The following KCNU1 variants were observed in gnomAD, a reference collection of about 807,000 sequenced individuals.
KCNU1 encodes potassium channel subfamily U member 1.
KCNU1 carries 93 observed loss-of-function variants against 126.8 expected under a neutral mutation model. The observed-to-expected ratio is 0.73, with a 90% CI of 0.62 to 0.87. KCNU1 has a LOEUF of 0.87. KCNU1 is among the 40% of genes least tolerant of loss of function. The probability of loss-of-function intolerance (pLI) is 0.00; values close to 1 mark genes in which losing one functional copy is unlikely to be tolerated. For synonymous variants in KCNU1, 523 were observed against 494.2 expected (o/e 1.06, Z -0.77); for missense variants, 1,330 against 1,367.1 (o/e 0.97, Z 0.43).
intron 19 of KCNU1, among the ~76,000 whole-genome samples, chr8:36,867,408 G>T (rs1008180143): frequency 7.9e-5 from 12 of 152,114 alleles, no homozygotes; most frequent in Non-Finnish European, 1.3e-4. Context: ...GAGTGCCGTG[G>T]GAAAGTCTCA....
At chr8:36,808,967 A>G (rs1430909671) in intron 7 of KCNU1, among the ~76,000 whole-genome samples, 174 bp downstream of exon 7, 1 of 152,120 alleles carries the variant, frequency 6.6e-6, no homozygotes, top group Non-Finnish European at 1.5e-5. Flanking sequence ...ACAAATATGC[A>G]TCTCCTACAA....
chr8:36,898,596 G>T (rs1448493482), intron 19 of KCNU1, among the ~76,000 whole-genome samples: 1 of 152,012 alleles, frequency 6.6e-6, no homozygotes. Context: ...AAATAGTCTT[G>T]TGTCTGAAAT....
intron 18 of KCNU1, among the ~76,000 whole-genome samples, chr8:36,852,705 A>G (rs563046562): frequency 2.0e-5 from 3 of 152,210 alleles, no homozygotes; most frequent in African/African-American, 7.2e-5. Context: ...ACTTATGTGT[A>G]CATATGATAT....
chr8:36,809,959 G>A (rs1803649422), intron 7 of KCNU1, among the ~76,000 whole-genome samples: 2 of 152,020 alleles, frequency 1.3e-5, no homozygotes, highest in African/African-American at 4.8e-5. Flanking sequence ...TGAATTCTTT[G>A]GGAAAATATA....
rs543624500 is a variant in KCNU1 at position 36,806,145 on chromosome 8, T to A, written c.469-124T>A. On this transcript the variant is annotated intron_variant, in intron 4 of 26. Transcript: ENST00000399881. The stretch of plus-strand genomic sequence containing the variant: ...ATATAAATATATGTGTCTGTGTATA[T>A]GTAAAATAGAAGGAGATCAAGGCTT... 32 of 603,038 alleles carry A rather than the reference T, an allele frequency of 5.3e-5. No individual in the cohort carries two copies. The Admixed American group carries it at 9.0e-4, about 17-fold the overall frequency. 37.4% of individuals were successfully genotyped at this position (603,038 alleles called of 1,614,324 possible). A position where few individuals can be genotyped will look rare whatever the true frequency, so the allele number is the denominator to read the frequency against.
chr8:36,851,080 G>A (rs931919333), intron 18 of KCNU1, among the ~76,000 whole-genome samples: 10 of 152,112 alleles, frequency 6.6e-5, no homozygotes, highest in African/African-American at 2.4e-4. Flanking sequence ...GCATTTCCAT[G>A]TGGGTCAGGA....
intron 19 of KCNU1, among the ~76,000 whole-genome samples, chr8:36,865,063 G>A (rs1174940629): frequency 7.2e-5 from 11 of 152,060 alleles, no homozygotes; most frequent in East Asian, 3.9e-4. Flanking sequence ...AAACTTTAAT[G>A]AAAATGACTC....
intron 19 of KCNU1, among the ~76,000 whole-genome samples, chr8:36,887,420 T>A (rs999056527): frequency 4.6e-5 from 7 of 152,030 alleles, no homozygotes; most frequent in African/African-American, 1.7e-4. Context: ...TGAGCATTTT[T>A]TCACATGTTT....
Position 36,805,247 on chromosome 8 carries a change from G to T in KCNU1, c.430G>T (p.Val144Phe). ...YEDKTIPIDL[V>F]FNAFFSFYFG... Reference sequence around the variant, plus strand: ...AGACAAAACCATTCCTATTGATTTGGTTTTCAATGCTTTCTTTAGTTTCTA... The same window carrying T: ...AGACAAAACCATTCCTATTGATTTGTTTTTCAATGCTTTCTTTAGTTTCTA... Residue 144 changes from valine to phenylalanine, a missense_variant, in exon 4 of 27, where the codon GTT becomes TTT. This residue lies in a region of KCNU1 where 247 missense variants were observed against 255.4 expected (regional missense o/e 0.97). Transcript: ENST00000399881. The T allele has an allele frequency of 3.7e-6, 6 of 1,609,122 alleles. No individual in the cohort carries two copies. The highest frequency in any genetic ancestry group is 1.7e-5 in the Admixed American group (1 of 59,562).
rs767708406 is a variant in KCNU1, at chr8:36,910,940, T to A, written c.2342T>A (p.Leu781His). 3.1e-6 allele frequency: 5 copies of A among 1,609,656 alleles called. No individual in the cohort carries two copies. Among genetic ancestry groups the A allele is most frequent in the Middle Eastern group, 1.6e-4 (1 of 6,068 alleles). ...TTTTCCTCTCATTAGGGATGTGCAC[T>A]TTATTCTGGAGACCTCCATGCGGCC... ...PQIYILPGCA[L>H]YSGDLHAANI... Residue 781 changes from leucine (L) to histidine (H), a missense_variant, in exon 22 of 27, where the codon CTT (leucine) becomes CAT (histidine). By Grantham distance (99) the Leu-to-His change is moderately conservative. Transcript: ENST00000399881.
At chr8:36,911,182 C>A (rs1248001341) in intron 22 of KCNU1, 63 bp downstream of exon 22, 2 of 1,309,248 alleles carry the variant, frequency 1.5e-6, no homozygotes, top group Non-Finnish European at 1.1e-6. Context: ...ATAATTAACT[C>A]CTCTTTGAAG....
intron 24 of KCNU1, among the ~76,000 whole-genome samples, chr8:36,923,563 G>A (rs1808438551): frequency 1.3e-5 from 2 of 152,168 alleles, no homozygotes; most frequent in Admixed American, 6.5e-5. Flanking sequence ...GCGAAGAAAA[G>A]TCAGCATGGA....
At chr8:36,875,136 G>A (rs543705520) in intron 19 of KCNU1, among the ~76,000 whole-genome samples, 37 of 152,054 alleles carry the variant, frequency 2.4e-4, no homozygotes, top group Admixed American at 4.6e-4. Flanking sequence ...TTTTCTGTCC[G>A]TCTCAAACTT....
chr8:36,818,531 T>C (rs1446971062), intron 10 of KCNU1, among the ~76,000 whole-genome samples: 1 of 152,216 alleles, frequency 6.6e-6, no homozygotes, highest in Non-Finnish European at 1.5e-5. Context: ...GTGTTTGATT[T>C]GCATGCACTC....
chr8:36,925,328 G>A (rs1179464558), intron 24 of KCNU1, among the ~76,000 whole-genome samples: 4 of 152,130 alleles, frequency 2.6e-5, no homozygotes, highest in Non-Finnish European at 4.4e-5. Context: ...GGGCAGGGAC[G>A]GCAATGGAGC....
chr8:36,799,384 C>T (rs1035743562), intron 2 of KCNU1, among the ~76,000 whole-genome samples: 45 of 151,286 alleles, frequency 3.0e-4, no homozygotes, highest in African/African-American at 9.7e-4. Context: ...TGGGCCTTTT[C>T]GATCTAGACT....
At chr8:36,865,573 C>A (rs1805876083) in intron 19 of KCNU1, among the ~76,000 whole-genome samples, 1 of 149,596 alleles carries the variant, frequency 6.7e-6, no homozygotes, top group African/African-American at 2.5e-5. Flanking sequence ...TAAGACCAGC[C>A]TGGGGCAATA....
Position 36,932,989 on chromosome 8 carries a change from T to C in KCNU1, c.3001T>C (p.Tyr1001His). 1 of 1,571,268 alleles carries C rather than the reference T, an allele frequency of 6.4e-7. No individual in the cohort carries two copies. The highest frequency in any genetic ancestry group is 8.6e-7 in the Non-Finnish European group (1 of 1,156,324). ...DLFGILCVGL[Y>H]RIIDEEELNP... ...TTTTGGAATCCTGTGTGTTGGCTTA[T>C]ACCGAATAATTGATGAAGAGGAGCT... The change falls in exon 26 of 27, where the codon TAC becomes CAC. Residue 1001 changes from tyrosine to histidine, a missense_variant. By Grantham distance (83) the Tyr-to-His change is moderately conservative. Coordinates refer to ENST00000399881, the MANE Select transcript of KCNU1 (RefSeq NM_001031836.3).
intron 19 of KCNU1, among the ~76,000 whole-genome samples, chr8:36,898,717 A>C (rs1183491934): frequency 6.6e-6 from 1 of 152,082 alleles, no homozygotes; most frequent in East Asian, 1.9e-4. Context: ...ACAACTGTCT[A>C]TGGGAGGGAA....
Sources: gnomAD v4.1 joint callset for allele counts (sites outside exome capture counted in the v4.1 genomes callset) on GRCh38, gnomAD v4.1.1 for gene constraint, gnomAD v4.1.1 regional missense constraint, MANE v1.5 for transcripts, NCBI Gene and HGNC (gene_info 2026-07-23, HGNC 2026-07-21) for gene names.